Variants in HNRNPR observed in about 807,000 individuals in gnomAD.
The protein encoded by HNRNPR is heterogeneous nuclear ribonucleoprotein R.
A neutral mutation model predicts 70.3 loss-of-function variants in HNRNPR; 4 were observed. The ratio of observed to expected loss-of-function variants is 0.06; its 90% CI spans 0.03 to 0.13. The LOEUF (loss-of-function observed/expected upper bound fraction) is 0.13, where lower values mean the gene tolerates loss of function less well. Among genes scored for constraint, HNRNPR ranks in the 10% least tolerant of loss-of-function variants. The pLI, the probability that HNRNPR is intolerant of heterozygous loss-of-function variation, is 1.00. For synonymous variants in HNRNPR, 241 were observed against 267.6 expected (o/e 0.90, Z 0.97); for missense variants, 423 against 788.5 (o/e 0.54, Z 5.55).
intron 5 of HNRNPR, among the ~76,000 whole-genome samples, chr1:23,330,199 G>GCAT (rs1434951964): frequency 6.6e-6 from 1 of 152,080 alleles, no homozygotes; most frequent in Admixed American, 6.6e-5. Context: ...ATTATACACA[G>GCAT]TCATGACCTC....
At chr1:23,328,303 T>C (rs1232879943) in intron 5 of HNRNPR, among the ~76,000 whole-genome samples, 1 of 152,016 alleles carries the variant, frequency 6.6e-6, no homozygotes, top group African/African-American at 2.4e-5. Context: ...AGCGATTGGG[T>C]AGAAAATGGA....
chr1:23,334,889 C>T (rs1370937890), intron 4 of HNRNPR, among the ~76,000 whole-genome samples: 1 of 151,202 alleles, frequency 6.6e-6, no homozygotes, highest in Non-Finnish European at 1.5e-5. Context: ...CACAATCTAC[C>T]TAGAAAAGAG....
intron 8 of HNRNPR, 49 bp from the exon 9 acceptor site, chr1:23,313,751 C>A: frequency 6.4e-7 from 1 of 1,572,634 alleles, no homozygotes; most frequent in South Asian, 1.2e-5. Flanking sequence ...TTAATTTTAC[C>A]TGAAAAGTGT....
chr1:23,305,845 C>T lies in HNRNPR; in HGVS notation c.*4609G>A, dbSNP rs1402395040. The T allele has an allele frequency of 6.6e-6, 1 of 152,062 alleles. No individual in the cohort carries two copies. Among genetic ancestry groups the T allele is most frequent in the African/African-American group, 2.4e-5 (1 of 41,436 alleles). 9.4% of individuals were successfully genotyped at this position (152,062 alleles called of 1,614,324 possible). ...TTTCAGCTATGTAATTTCCTCTTGA[C>T]CCAAAGTCATTGTCTCAACATATCT... is the stretch of plus-strand genomic sequence containing the variant. On this transcript the variant is annotated 3_prime_UTR_variant, in exon 11 of 11. Coordinates refer to ENST00000302271, the MANE Select transcript of HNRNPR (RefSeq NM_005826.5).
At chr1:23,343,244 G>A (rs1570150853) in intron 1 of HNRNPR, among the ~76,000 whole-genome samples, 1 of 152,152 alleles carries the variant, frequency 6.6e-6, no homozygotes, top group African/African-American at 2.4e-5. Context: ...GGAGATTCGG[G>A]ATGTCAGCAC....
chr1:23,337,904 A>G lies in HNRNPR; in HGVS notation c.277-43T>C. 2.6e-6 allele frequency: 3 copies of G among 1,145,002 alleles called. No individual in the cohort carries two copies. The South Asian group carries it at 3.9e-5, about 15-fold the overall frequency. 70.9% of individuals were successfully genotyped at this position (1,145,002 alleles called of 1,614,324 possible). On this transcript the variant is annotated intron_variant, in intron 3 of 10. Coordinates refer to ENST00000302271, the MANE Select transcript of HNRNPR (RefSeq NM_005826.5). ...TTCAATAAAAAGAATCACCAAAAAT[A>G]TCTGAAGGGTCAGATACATAATTAA...
intron 1 of HNRNPR, 138 bp from the exon 2 acceptor site, chr1:23,341,155 G>T: frequency 3.3e-6 from 2 of 606,594 alleles, no homozygotes; most frequent in Non-Finnish European, 5.5e-6. Flanking sequence ...TTCCTCCTGT[G>T]ATGTATCTGA....
At chr1:23,316,791 TAA>T (rs1301852019) in intron 8 of HNRNPR, among the ~76,000 whole-genome samples, 1 of 152,028 alleles carries the variant, frequency 6.6e-6, no homozygotes, top group African/African-American at 2.4e-5. Context: ...ATCAAGCTAG[TAA>T]AAAATCAAAA....
intron 5 of HNRNPR, among the ~76,000 whole-genome samples, chr1:23,331,405 T>TTAAAAAAA (rs1160009471): frequency 2.9e-4 from 37 of 127,238 alleles, no homozygotes; most frequent in Non-Finnish European, 4.3e-4. Flanking sequence ...CACAAAAAAT[T>TTAAAAAAA]AAAAAAAAAA....
At chr1:23,316,363 T>C (rs1186547656) in intron 8 of HNRNPR, among the ~76,000 whole-genome samples, 1 of 152,150 alleles carries the variant, frequency 6.6e-6, no homozygotes, top group Non-Finnish European at 1.5e-5. Flanking sequence ...CCTAAGTTTA[T>C]AGAGACCTCC....
In HNRNPR at chr1:23,308,600, C is replaced by G. The variant is rs1266507893; in HGVS notation, c.*1854G>C. The G allele has an allele frequency of 1.3e-5, 2 of 152,022 alleles. No individual in the cohort carries two copies. The highest frequency in any genetic ancestry group is 2.9e-5 in the Non-Finnish European group (2 of 67,896). 9.4% of individuals were successfully genotyped at this position (152,022 alleles called of 1,614,324 possible). A position where few individuals can be genotyped will look rare whatever the true frequency, so the allele number is the denominator to read the frequency against. ...AATACCCATGTTAACTCAAAACTAT[C>G]ATACAACAGACCATAATTCCTTTAT... is the stretch of plus-strand genomic sequence containing the variant. On this transcript the variant is annotated 3_prime_UTR_variant, in exon 11 of 11. Transcript: ENST00000302271.
intron 5 of HNRNPR, among the ~76,000 whole-genome samples, 198 bp downstream of exon 5, chr1:23,333,320 A>G (rs1306208216): frequency 6.6e-6 from 1 of 152,230 alleles, no homozygotes; most frequent in Non-Finnish European, 1.5e-5. Flanking sequence ...ATTCCTATAT[A>G]AAGTGTTCGG....
Position 23,321,718 on chromosome 1 carries a change from G to A in HNRNPR, c.676-55C>T, listed in dbSNP as rs1645765320. The A allele has an allele frequency of 2.6e-6, 4 of 1,515,754 alleles. No individual in the cohort carries two copies. The African/African-American group carries it at 4.2e-5, about 16-fold the overall frequency. 93.9% of individuals were successfully genotyped at this position (1,515,754 alleles called of 1,614,324 possible). On this transcript the variant is annotated intron_variant, in intron 6 of 10. Transcript: ENST00000302271. ...AAACCACCCCAAACTCAGGACAATT[G>A]ATCTTAATCTAAAAAATTCAACAAT...
In HNRNPR at chr1:23,318,995, C is replaced by T. The variant is rs151030933; in HGVS notation, c.812-307G>A. The stretch of plus-strand genomic sequence containing the variant: ...TAACATGACTTTATTAAAGCACTAA[C>T]AAGGATCTTAAAAACAAAATTAGTA... On this transcript the variant is annotated intron_variant, in intron 7 of 10. Transcript: ENST00000302271. This position sits in a 1 kb window ranked among gnomAD's most constrained non-coding sequence, Gnocchi z 4.2. Among the ~76,000 whole-genome samples the T allele has an allele frequency of 1.9e-4, 29 of 152,290 alleles. No homozygotes were observed. The East Asian group carries it at 5.6e-3, about 29-fold the overall frequency.
Position 23,344,222 on chromosome 1 carries a change from G to C in HNRNPR, c.-21C>G, listed in dbSNP as rs908314995. 1 of 152,468 alleles carries C rather than the reference G, an allele frequency of 6.6e-6. No individual in the cohort carries two copies. The highest frequency in any genetic ancestry group is 2.1e-4 in the South Asian group (1 of 4,840). 9.4% of individuals were successfully genotyped at this position (152,468 alleles called of 1,614,324 possible). On this transcript the variant is annotated 5_prime_UTR_variant, in exon 1 of 11. Coordinates refer to ENST00000302271, the MANE Select transcript of HNRNPR (RefSeq NM_005826.5). The stretch of plus-strand genomic sequence containing the variant: ...GGCGCGAGACTCACCAGGGCAGAGC[G>C]GGGGCCGGCAGCCGGGCCCGTGAGA...
chr1:23,334,293 G>A lies in HNRNPR; in HGVS notation c.385-662C>T, dbSNP rs188492029. On this transcript the variant is annotated intron_variant, in intron 4 of 10. Coordinates refer to ENST00000302271, the MANE Select transcript of HNRNPR (RefSeq NM_005826.5). The stretch of plus-strand genomic sequence containing the variant: ...GCTGTGTCACCCAGGCTGGAGTGCA[G>A]TAGCGCGATCTCGGCTCACTGCAAG... Among the ~76,000 whole-genome samples, 95 of 142,220 alleles carry A rather than the reference G, an allele frequency of 6.7e-4. 1 individual carries two copies. Among genetic ancestry groups the A allele is most frequent in the Non-Finnish European group, 8.1e-4 (54 of 66,350 alleles). The allele number at this position is 142,220 out of a possible 152,430, so 93.3% of individuals were successfully genotyped here. A position where few individuals can be genotyped will look rare whatever the true frequency, so the allele number is the denominator to read the frequency against.
chr1:23,337,384 C>T (rs1377371832), intron 4 of HNRNPR, among the ~76,000 whole-genome samples: 1 of 152,090 alleles, frequency 6.6e-6, no homozygotes, highest in East Asian at 1.9e-4. Context: ...TTCAGCTGGG[C>T]GTGGTGGCTC....
rs572260962 is a variant in HNRNPR, at chr1:23,318,743, G to A, written c.812-55C>T. 18 of 1,551,974 alleles carry A rather than the reference G, an allele frequency of 1.2e-5. No individual in the cohort carries two copies. The highest frequency in any genetic ancestry group is 2.7e-5 in the African/African-American group (2 of 73,736). Reference sequence around the variant, plus strand: ...CAAAAGCATCCACCACACATCTAGCGATTAGGCAGACCTAAATCCACTTGA... The same window carrying A: ...CAAAAGCATCCACCACACATCTAGCAATTAGGCAGACCTAAATCCACTTGA... On this transcript the variant is annotated intron_variant, in intron 7 of 10. Coordinates refer to ENST00000302271, the MANE Select transcript of HNRNPR (RefSeq NM_005826.5). The surrounding 1 kb of genome is among the most constrained non-coding windows in gnomAD (Gnocchi z 4.2).
At chr1:23,340,036 CA>C (rs36086561) in intron 2 of HNRNPR, among the ~76,000 whole-genome samples, 29,824 of 123,032 alleles carry the variant, frequency 0.24, 3,052 homozygotes, top group Admixed American at 0.39. Context: ...TTTTTAAGGA[CA>C]AAAAAAAAAA....
Sources: gnomAD v4.1 joint callset for allele counts (sites outside exome capture counted in the v4.1 genomes callset) on GRCh38, gnomAD v4.1.1 for gene constraint, Gnocchi (gnomAD v3.1) non-coding constraint, MANE v1.5 for transcripts, NCBI Gene and HGNC (gene_info 2026-07-23, HGNC 2026-07-21) for gene names.